Variants in RCOR1 observed in about 807,000 individuals in gnomAD.
The protein encoded by RCOR1 is REST corepressor.
A neutral mutation model predicts 64.0 loss-of-function variants in RCOR1; 12 were observed. That is an observed-to-expected ratio of 0.19 (90% CI 0.12 to 0.30). The LOEUF (loss-of-function observed/expected upper bound fraction) is 0.30, where lower values mean the gene tolerates loss of function less well. Ranked by LOEUF, RCOR1 falls within the 10% of genes least tolerant of loss-of-function variation. The probability of loss-of-function intolerance (pLI) is 1.00; values close to 1 mark genes in which losing one functional copy is unlikely to be tolerated. For synonymous variants in RCOR1, 279 were observed against 227.2 expected, an observed-to-expected ratio of 1.23 and a Z score of -2.05; for missense variants, 502 against 621.2, an observed-to-expected ratio of 0.81 and a Z score of 2.04.
intron 2 of RCOR1, among the ~76,000 whole-genome samples, chr14:102,623,780 G>C (rs1893923275): frequency 6.6e-6 from 1 of 151,770 alleles, no homozygotes; most frequent in African/African-American, 2.4e-5. Context: ...AGGGAAGCTG[G>C]GTGCGGTGGC....
chr14:102,656,167 T>G, intron 2 of RCOR1: 1 of 945,776 alleles, frequency 1.1e-6, no homozygotes, highest in Non-Finnish European at 1.3e-6. Context: ...GGAGACAGAG[T>G]CTCGCTGTGT....
chr14:102,711,521 T>G (rs1895957863), intron 7 of RCOR1, among the ~76,000 whole-genome samples: 1 of 152,130 alleles, frequency 6.6e-6, no homozygotes, highest in South Asian at 2.1e-4. Flanking sequence ...CTGTTTCATC[T>G]TATCATTTTA....
At chr14:102,634,624 GTGTGTATGTGTGTA>G (rs1292374484) in intron 2 of RCOR1, among the ~76,000 whole-genome samples, 2 of 150,212 alleles carry the variant, frequency 1.3e-5, no homozygotes, top group African/African-American at 4.9e-5. Flanking sequence ...ATGTATGTGT[GTGTGTATGTGTGTA>G]TATATATATA....
intron 5 of RCOR1, 121 bp from the exon 6 acceptor site, chr14:102,708,344 C>T (rs2139985065): frequency 1.6e-6 from 1 of 632,542 alleles, no homozygotes; most frequent in Non-Finnish European, 2.9e-6. Flanking sequence ...TCGTGATCCG[C>T]CTGCCTTAGC....
chr14:102,706,709 C>G (rs533958452), intron 4 of RCOR1, among the ~76,000 whole-genome samples: 1 of 151,884 alleles, frequency 6.6e-6, no homozygotes, highest in African/African-American at 2.4e-5. Flanking sequence ...TGCCTGTATC[C>G]CAGCTACTTG....
intron 8 of RCOR1, among the ~76,000 whole-genome samples, chr14:102,715,099 C>T (rs1463465452): frequency 3.3e-5 from 5 of 150,748 alleles, no homozygotes; most frequent in East Asian, 3.9e-4. Flanking sequence ...GACGGTGTCT[C>T]GCTCTGTCGC....
intron 2 of RCOR1, among the ~76,000 whole-genome samples, chr14:102,648,880 G>T (rs966354507): frequency 6.6e-6 from 1 of 152,132 alleles, no homozygotes; most frequent in Non-Finnish European, 1.5e-5. Flanking sequence ...GAGAAATCTT[G>T]GGATAATAGC....
chr14:102,664,034 G>T (rs1894872271), intron 2 of RCOR1, among the ~76,000 whole-genome samples: 1 of 152,288 alleles, frequency 6.6e-6, no homozygotes, highest in Non-Finnish European at 1.5e-5. Context: ...CTTCCTTCTT[G>T]GGGGAATCAG....
At position 102,681,944 on chromosome 14, in the gene RCOR1, C is replaced by A; in HGVS notation, c.411C>A (p.Val137=). The stretch of plus-strand genomic sequence containing the variant: ...AACGGGACAATCTTGGCATGTTGGT[C>A]TGGTCACCCAATCAAAATCTGTCAG... The part of the protein sequence containing the change: ...SQERDNLGML[V]WSPNQNLSEA... The change falls in exon 3 of 12, where the codon GTC becomes GTA. Residue 137 remains valine (V), a synonymous_variant. Coordinates refer to ENST00000262241, the MANE Select transcript of RCOR1 (RefSeq NM_015156.4). 6.2e-7 allele frequency: 1 copy of A among 1,613,834 alleles called. No individual in the cohort carries two copies. The highest frequency in any genetic ancestry group is 8.5e-7 in the Non-Finnish European group (1 of 1,179,756).
chr14:102,714,640 A>G (rs1896029071), intron 8 of RCOR1, 23 bp downstream of exon 8: 1 of 1,538,466 alleles, frequency 6.5e-7, no homozygotes, highest in Non-Finnish European at 8.8e-7. Flanking sequence ...CTGGTCTTGG[A>G]TGTAAAAGAA....
chr14:102,641,983 GCAT>G (rs1894379829), intron 2 of RCOR1, among the ~76,000 whole-genome samples: 1 of 152,154 alleles, frequency 6.6e-6, no homozygotes, highest in Non-Finnish European at 1.5e-5. Flanking sequence ...AAAAAAACTT[GCAT>G]CATTTCTGGA....
intron 2 of RCOR1, among the ~76,000 whole-genome samples, chr14:102,600,964 C>T (rs918541117): frequency 2.0e-5 from 3 of 151,038 alleles, no homozygotes; most frequent in Admixed American, 1.3e-4. Flanking sequence ...CCGAGGCAGG[C>T]GGATCACTTG....
chr14:102,605,453 G>T (rs1893485841), intron 2 of RCOR1, among the ~76,000 whole-genome samples: 2 of 152,138 alleles, frequency 1.3e-5, no homozygotes, highest in Non-Finnish European at 2.9e-5. Context: ...AAGGACAGTG[G>T]TCCCATAAGA....
intron 2 of RCOR1, among the ~76,000 whole-genome samples, chr14:102,626,761 C>T (rs746061522): frequency 2.0e-5 from 3 of 152,188 alleles, no homozygotes; most frequent in Non-Finnish European, 4.4e-5. Context: ...TCATATGATC[C>T]TCCCAGATTG....
chr14:102,684,013 C>T (rs902990108), intron 3 of RCOR1, among the ~76,000 whole-genome samples: 7 of 152,356 alleles, frequency 4.6e-5, no homozygotes, highest in Admixed American at 1.3e-4. Flanking sequence ...CAGCTCTGAC[C>T]GTATCCCGCC....
rs1411988037 is a variant in RCOR1 at position 102,655,925 on chromosome 14, C to T, written c.362-25970C>T. The T allele has an allele frequency of 7.4e-6, 7 of 951,608 alleles. No individual in the cohort carries two copies. The East Asian group carries it at 7.5e-4, about 102-fold the overall frequency. 58.9% of individuals were successfully genotyped at this position (951,608 alleles called of 1,614,324 possible). ...TCGAGATCGCGCCACTGCACTCCAG[C>T]CTGGGCAACAGAGTGAGACTTTTTG... is the stretch of plus-strand genomic sequence containing the variant. On this transcript the variant is annotated intron_variant, in intron 2 of 11. Transcript: ENST00000262241.
At chr14:102,670,638 T>G (rs1895013805) in intron 2 of RCOR1, among the ~76,000 whole-genome samples, 1 of 151,872 alleles carries the variant, frequency 6.6e-6, no homozygotes, top group African/African-American at 2.4e-5. Flanking sequence ...TTCCTTAAGC[T>G]TCTGGTAAAA....
At chr14:102,619,841 A>G (rs56371015) in intron 2 of RCOR1, among the ~76,000 whole-genome samples, 13 of 152,252 alleles carry the variant, frequency 8.5e-5, no homozygotes, top group Middle Eastern at 3.4e-3. Context: ...CACCTCATCT[A>G]TGTTCTTGAT....
At chr14:102,675,001 G>A (rs1173763025) in intron 2 of RCOR1, among the ~76,000 whole-genome samples, 3 of 132,586 alleles carry the variant, frequency 2.3e-5, no homozygotes, top group African/African-American at 8.9e-5. Context: ...CTTGCAGTGA[G>A]CCAAGATCTG....
Sources: gnomAD v4.1 joint callset for allele counts (sites outside exome capture counted in the v4.1 genomes callset) on GRCh38, gnomAD v4.1.1 for gene constraint, MANE v1.5 for transcripts, NCBI Gene and HGNC (gene_info 2026-07-23, HGNC 2026-07-21) for gene names.